NRP2: variants seen among roughly 807,000 people sequenced by gnomAD.
The protein encoded by NRP2 is neuropilin 2, also known as neuropilin-2.
A neutral mutation model predicts 110.4 loss-of-function variants in NRP2; 52 were observed. The observed-to-expected ratio is 0.47, with a 90% CI of 0.38 to 0.59. The LOEUF (loss-of-function observed/expected upper bound fraction) is 0.59. Among genes scored for constraint, NRP2 ranks in the 20% least tolerant of loss-of-function variants. The pLI is 0.00. For missense variants in NRP2, 1,049 were observed against 1,203.0 expected, an observed-to-expected ratio of 0.87 and a Z score of 1.89; for synonymous variants, 508 against 468.9, an observed-to-expected ratio of 1.08 and a Z score of -1.08.
chr2:205,738,659 C>T (rs570016443), intron 7 of NRP2, among the ~76,000 whole-genome samples: 22 of 152,266 alleles, frequency 1.4e-4, no homozygotes, highest in African/African-American at 5.1e-4. Flanking sequence ...CATCCACAAT[C>T]GCTATACAGG....
intron 15 of NRP2, chr2:205,779,469 T>C (rs146421137): frequency 5.9e-5 from 9 of 152,362 alleles, no homozygotes; most frequent in Non-Finnish European, 1.0e-4. Flanking sequence ...AGCCGATCTT[T>C]AAGAAGACCC....
intron 15 of NRP2, among the ~76,000 whole-genome samples, chr2:205,788,502 T>G (rs1467882987): frequency 7.2e-5 from 11 of 152,204 alleles, no homozygotes; most frequent in Admixed American, 7.2e-4. Flanking sequence ...TTTGAATTCC[T>G]TGATGAGCCT....
In NRP2 at chr2:205,743,737, C is replaced by T. The variant is rs1404964674; in HGVS notation, c.1641+185C>T. The T allele has an allele frequency of 3.8e-6, 4 of 1,047,212 alleles. No homozygotes were observed. The South Asian group carries it at 7.5e-5, about 20-fold the overall frequency. 64.9% of individuals were successfully genotyped at this position (1,047,212 alleles called of 1,614,324 possible). On this transcript the variant is annotated intron_variant, in intron 9 of 16. Coordinates refer to ENST00000357785, the MANE Select transcript of NRP2 (RefSeq NM_003872.3). Reference sequence around the variant, plus strand: ...ACTGTGCTAAATACCTTATTTCTGACTCTTTTGTTTGTTTGTTTGTTTGTT... The same window carrying T: ...ACTGTGCTAAATACCTTATTTCTGATTCTTTTGTTTGTTTGTTTGTTTGTT...
At chr2:205,719,459 G>C (rs1480252583) in intron 3 of NRP2, among the ~76,000 whole-genome samples, 1 of 148,224 alleles carries the variant, frequency 6.7e-6, no homozygotes, top group African/African-American at 2.5e-5. Flanking sequence ...AAGATACCAT[G>C]AGCAGAACAG....
At chr2:205,716,695 G>A (rs1308877045) in intron 3 of NRP2, among the ~76,000 whole-genome samples, 1 of 152,076 alleles carries the variant, frequency 6.6e-6, no homozygotes, top group East Asian at 1.9e-4. Flanking sequence ...ATCTTCATGG[G>A]AAAAAGCAAA....
At chr2:205,730,545 A>T (rs2105835140) in intron 7 of NRP2, among the ~76,000 whole-genome samples, 1 of 152,230 alleles carries the variant, frequency 6.6e-6, no homozygotes, top group Non-Finnish European at 1.5e-5. Flanking sequence ...CAAAGCAGAG[A>T]TGAAGGCAAC....
At chr2:205,748,378 A>G (rs2057578414) in intron 10 of NRP2, among the ~76,000 whole-genome samples, 1 of 152,168 alleles carries the variant, frequency 6.6e-6, no homozygotes, top group Non-Finnish European at 1.5e-5. Context: ...TTGTGTTTCA[A>G]ATAATTATGT....
At chr2:205,715,383 C>T (rs559500218) in intron 2 of NRP2, among the ~76,000 whole-genome samples, 2 of 152,324 alleles carry the variant, frequency 1.3e-5, no homozygotes, top group South Asian at 4.1e-4. Context: ...AGGAGGGCAG[C>T]CTGCCCTGCC....
At chr2:205,702,758 A>G (rs1027379107) in intron 2 of NRP2, among the ~76,000 whole-genome samples, 3 of 152,216 alleles carry the variant, frequency 2.0e-5, no homozygotes, top group African/African-American at 7.2e-5. Flanking sequence ...CCCTGTGCTC[A>G]GTAAACACCC....
rs1444788751 is a variant in NRP2 at position 205,736,286 on chromosome 2, G to A, written c.1147-4233G>A. 3.3e-5 allele frequency among the ~76,000 whole-genome samples: 5 copies of A among 152,278 alleles called. No homozygotes were observed. In the East Asian group the frequency reaches 9.6e-4, roughly 29 times the overall value. On this transcript the variant is annotated intron_variant, in intron 7 of 16. Transcript: ENST00000357785. ...GAAACCGGGAGGCAGAGGTTGCAGT[G>A]AGCCAAGATTGTGCCACTGCACTCC...
In NRP2 at chr2:205,766,773, T is replaced by A. The variant is rs747340904; in HGVS notation, c.2405-10T>A. The stretch of plus-strand genomic sequence containing the variant: ...TTAACTAAGTCCAATTTTTTGTTTG[T>A]TTTTTTCAGAACCCATCTCGGCTTT... On this transcript the variant is annotated splice_polypyrimidine_tract_variant and intron_variant, in intron 14 of 16. Coordinates refer to ENST00000357785, the MANE Select transcript of NRP2 (RefSeq NM_003872.3). 11 of 1,611,168 alleles carry A rather than the reference T, an allele frequency of 6.8e-6. No homozygotes were observed. In the South Asian group the frequency reaches 1.2e-4, roughly 18 times the overall value.
intron 3 of NRP2, 152 bp from the exon 4 acceptor site, chr2:205,722,326 G>T (rs1412107569): frequency 2.9e-6 from 2 of 698,708 alleles, no homozygotes; most frequent in Non-Finnish European, 5.2e-6. Context: ...AAACGTGCAT[G>T]TGAAGAGTAT....
rs1263086365 is a variant in NRP2, at chr2:205,797,061, G to A, written c.*2003G>A. 6.6e-6 allele frequency: 1 copy of A among 152,646 alleles called. No individual in the cohort carries two copies. The highest frequency in any genetic ancestry group is 1.5e-5 in the Non-Finnish European group (1 of 68,072). 9.5% of individuals were successfully genotyped at this position (152,646 alleles called of 1,614,324 possible). On this transcript the variant is annotated 3_prime_UTR_variant, in exon 17 of 17. Coordinates refer to ENST00000357785, the MANE Select transcript of NRP2 (RefSeq NM_003872.3). ...GTGTCTTTGCTGCTTTGAGTTCTCT[G>A]TATCTACTGTGTATGTGAATGGTCA...
rs189769886 is a variant in NRP2 at position 205,702,409 on chromosome 2, C to T, written c.251+4688C>T. On this transcript the variant is annotated intron_variant, in intron 2 of 16. Transcript: ENST00000357785. ...GCAGAGTTAGGACTGGGGAGTGATC[C>T]CCAAGTGACAAAGCGTAAGAGCAAC... Among the ~76,000 whole-genome samples the T allele has an allele frequency of 2.0e-4, 30 of 152,294 alleles. 1 individual carries two copies. The East Asian group carries it at 5.6e-3, about 28-fold the overall frequency.
In NRP2 at chr2:205,682,911, T is replaced by C; in HGVS notation, c.-380T>C. The C allele has an allele frequency of 4.5e-6, 1 of 223,582 alleles. No homozygotes were observed. Among genetic ancestry groups the C allele is most frequent in the Non-Finnish European group, 9.0e-6 (1 of 111,416 alleles). 13.8% of individuals were successfully genotyped at this position (223,582 alleles called of 1,614,324 possible). The stretch of plus-strand genomic sequence containing the variant: ...GGGGCCGTGTGATGCCCAAGGCAAG[T>C]CTTGGTTTTAATTATTATTATTATC... On this transcript the variant is annotated 5_prime_UTR_variant, in exon 1 of 17. Coordinates refer to ENST00000357785, the MANE Select transcript of NRP2 (RefSeq NM_003872.3). The surrounding 1 kb of genome is among the most constrained non-coding windows in gnomAD (Gnocchi z 4.3).
chr2:205,698,048 G>A (rs143606379), intron 2 of NRP2: 7 of 395,014 alleles, frequency 1.8e-5, no homozygotes, highest in Middle Eastern at 7.9e-4. Context: ...GGGTTACCTT[G>A]CACTTGGAGA....
intron 2 of NRP2, among the ~76,000 whole-genome samples, chr2:205,711,766 C>A (rs2056803514): frequency 6.6e-6 from 1 of 152,134 alleles, no homozygotes; most frequent in South Asian, 2.1e-4. Context: ...AATCCCCTTC[C>A]AAGTGGTTCT....
At position 205,683,311 on chromosome 2, in the gene NRP2, C is replaced by G. The variant is rs201286273; in HGVS notation, c.21C>G (p.Thr7=). The change falls in exon 1 of 17, where the codon ACC becomes ACG. Residue 7 remains threonine, a synonymous_variant. Coordinates refer to ENST00000357785, the MANE Select transcript of NRP2 (RefSeq NM_003872.3). MDMFPL[T]WVFLALYFSR... ...CCAAAATGGATATGTTTCCTCTCAC[C>G]TGGGTTTTCTTAGCCCTCTACTTTT... 5 of 1,613,750 alleles carry G rather than the reference C, an allele frequency of 3.1e-6. No homozygotes were observed. In the African/African-American group the frequency reaches 6.7e-5, roughly 22 times the overall value.
At position 205,763,149 on chromosome 2, in the gene NRP2, AAAT is replaced by A. The variant is rs2057851835; in HGVS notation, c.2045-524_2045-522del. ...AGCACTGATGGAGACAGAAGGTTTT[AAAT>A]GTCAGCCATTTGGACAGTGCCCAGC... On this transcript the variant is annotated intron_variant, in intron 12 of 16. Coordinates refer to ENST00000357785, the MANE Select transcript of NRP2 (RefSeq NM_003872.3). This position sits in a 1 kb window ranked among gnomAD's most constrained non-coding sequence, Gnocchi z 4.0. Among the ~76,000 whole-genome samples the A allele has an allele frequency of 6.6e-6, 1 of 152,140 alleles. No homozygotes were observed. Among genetic ancestry groups the A allele is most frequent in the Non-Finnish European group, 1.5e-5 (1 of 68,032 alleles).
Sources: allele counts gnomAD v4.1 joint callset (sites outside exome capture counted in the v4.1 genomes callset), GRCh38; gene constraint gnomAD v4.1.1; non-coding constraint Gnocchi (gnomAD v3.1); transcripts MANE v1.5; gene names NCBI Gene and HGNC (gene_info 2026-07-23, HGNC 2026-07-21).